Variants in PPP1R3A observed in about 807,000 individuals in gnomAD.
PPP1R3A encodes the protein RG1.
PPP1R3A carries 29 observed loss-of-function variants against 41.7 expected under a neutral mutation model. That is an observed-to-expected ratio of 0.70 (90% CI 0.52 to 0.95). The LOEUF is 0.95. Among genes scored for constraint, PPP1R3A ranks in the 40% least tolerant of loss-of-function variants. The pLI, the probability that PPP1R3A is intolerant of heterozygous loss-of-function variation, is 0.00. For synonymous variants in PPP1R3A, 485 were observed against 453.4 expected, an observed-to-expected ratio of 1.07 and a Z score of -0.89; for missense variants, 1,352 against 1,292.4, an observed-to-expected ratio of 1.05 and a Z score of -0.71.
intron 1 of PPP1R3A, among the ~76,000 whole-genome samples, chr7:113,895,544 G>A (rs1447524165): frequency 2.6e-5 from 4 of 151,926 alleles, no homozygotes; most frequent in Non-Finnish European, 5.9e-5. Flanking sequence ...TTTACTCTAT[G>A]TTTTTGTTTG....
intron 1 of PPP1R3A, among the ~76,000 whole-genome samples, chr7:113,909,323 G>C (rs1397906503): frequency 2.6e-5 from 4 of 151,818 alleles, no homozygotes; most frequent in Non-Finnish European, 2.9e-5. Context: ...TATCTTTTTA[G>C]GTAAGATAGA....
chr7:113,904,451 A>G (rs1408080547), intron 1 of PPP1R3A, among the ~76,000 whole-genome samples: 8 of 151,790 alleles, frequency 5.3e-5, no homozygotes, highest in Non-Finnish European at 1.2e-4. Context: ...ATGTAATAGC[A>G]AATTCTAAAT....
Position 113,876,864 on chromosome 7 carries a change from A to G in PPP1R3A, c.*859T>C, listed in dbSNP as rs1796575215. 1 of 152,066 alleles carries G rather than the reference A, an allele frequency of 6.6e-6. No homozygotes were observed. The highest frequency in any genetic ancestry group is 2.4e-5 in the African/African-American group (1 of 41,442). The allele number at this position is 152,066 out of a possible 1,614,324, so 9.4% of individuals were successfully genotyped here. The stretch of plus-strand genomic sequence containing the variant: ...CCATTTGGAATTTTTATTGTCATTT[A>G]ATGCCTTATGCTTTATAGGTACAAA... On this transcript the variant is annotated 3_prime_UTR_variant, in exon 4 of 4. Coordinates refer to ENST00000284601, the MANE Select transcript of PPP1R3A (RefSeq NM_002711.4).
chr7:113,902,641 T>C (rs1797085383), intron 1 of PPP1R3A, among the ~76,000 whole-genome samples: 1 of 151,856 alleles, frequency 6.6e-6, no homozygotes, highest in African/African-American at 2.4e-5. Flanking sequence ...TCCTTCAGCA[T>C]AGAACAGAGT....
chr7:113,910,174 C>T (rs1332643079), intron 1 of PPP1R3A, among the ~76,000 whole-genome samples: 1 of 152,014 alleles, frequency 6.6e-6, no homozygotes, highest in Non-Finnish European at 1.5e-5. Context: ...TCAATTATCT[C>T]CACCTGGCCC....
chr7:113,881,682 C>T (rs996855561), intron 3 of PPP1R3A, among the ~76,000 whole-genome samples: 1 of 152,036 alleles, frequency 6.6e-6, no homozygotes, highest in Admixed American at 6.6e-5. Flanking sequence ...TAACAATCCT[C>T]TAGTCCAGCC....
intron 3 of PPP1R3A, among the ~76,000 whole-genome samples, chr7:113,880,801 A>G (rs936746477): frequency 2.0e-5 from 3 of 151,832 alleles, no homozygotes; most frequent in Non-Finnish European, 4.4e-5. Flanking sequence ...TTCTCACATA[A>G]GGCTCATGTT....
intron 1 of PPP1R3A, among the ~76,000 whole-genome samples, chr7:113,909,116 G>C (rs1348773856): frequency 6.6e-6 from 1 of 151,642 alleles, no homozygotes; most frequent in African/African-American, 2.4e-5. Context: ...CCTGCACATG[G>C]ACCCCTTGAA....
chr7:113,912,170 C>T (rs1477925852), intron 1 of PPP1R3A, among the ~76,000 whole-genome samples: 1 of 151,964 alleles, frequency 6.6e-6, no homozygotes, highest in Non-Finnish European at 1.5e-5. Context: ...TACTTCAGAC[C>T]CCATGAGTCT....
intron 1 of PPP1R3A, among the ~76,000 whole-genome samples, chr7:113,912,584 G>A (rs1285471552): frequency 6.6e-6 from 1 of 152,072 alleles, no homozygotes; most frequent in Non-Finnish European, 1.5e-5. Flanking sequence ...ATTATTTCCT[G>A]TTGAGGGGTA....
chr7:113,915,750 T>C (rs1169809455), intron 1 of PPP1R3A, among the ~76,000 whole-genome samples: 1 of 151,614 alleles, frequency 6.6e-6, no homozygotes, highest in Non-Finnish European at 1.5e-5. Flanking sequence ...AGAGAAGAGA[T>C]TTTAGTAGCT....
intron 1 of PPP1R3A, among the ~76,000 whole-genome samples, chr7:113,886,771 T>C (rs1479617120): frequency 6.6e-6 from 1 of 152,136 alleles, no homozygotes; most frequent in African/African-American, 2.4e-5. Flanking sequence ...TATGACCAAT[T>C]AGATCTAAAG....
chr7:113,891,304 ATTG>A (rs1796884752), intron 1 of PPP1R3A, among the ~76,000 whole-genome samples: 1 of 151,998 alleles, frequency 6.6e-6, no homozygotes, highest in African/African-American at 2.4e-5. Flanking sequence ...ATAAATTATT[ATTG>A]TTATTAGGAA....
Position 113,882,026 on chromosome 7 carries a change from C to G in PPP1R3A, c.966+13G>C. On this transcript the variant is annotated intron_variant, in intron 3 of 3. Transcript: ENST00000284601. ...TTCATCTTCTCTAATACCGTGGCAA[C>G]CAGAACACTTACCATCAACTCTAAT... 1 of 1,611,830 alleles carries G rather than the reference C, an allele frequency of 6.2e-7. No individual in the cohort carries two copies.
intron 1 of PPP1R3A, among the ~76,000 whole-genome samples, chr7:113,897,913 T>C (rs984051581): frequency 6.6e-6 from 1 of 151,736 alleles, no homozygotes; most frequent in African/African-American, 2.4e-5. Context: ...CACACTGGGA[T>C]TGCTAAAGGA....
chr7:113,898,902 G>A (rs974840662), intron 1 of PPP1R3A, among the ~76,000 whole-genome samples: 5 of 151,762 alleles, frequency 3.3e-5, no homozygotes, highest in Admixed American at 1.3e-4. Flanking sequence ...AGATGTATAT[G>A]TATGTCCTAC....
chr7:113,892,783 T>C (rs1796915134), intron 1 of PPP1R3A, among the ~76,000 whole-genome samples: 1 of 152,066 alleles, frequency 6.6e-6, no homozygotes, highest in African/African-American at 2.4e-5. Context: ...TTAACAGGCA[T>C]TGAAAGAAGC....
chr7:113,879,631 T>A lies in PPP1R3A; in HGVS notation c.1461A>T (p.Arg487Ser), dbSNP rs139605314. The change falls in exon 4 of 4, where the codon AGA becomes AGT. Residue 487 changes from arginine (R) to serine (S), a missense_variant. Arg to Ser is a moderately radical substitution (Grantham distance 110). Coordinates refer to ENST00000284601, the MANE Select transcript of PPP1R3A (RefSeq NM_002711.4). ...IEVKDLGCLRRDFHSDTSACL... is the reference protein window; with the variant it reads ...IEVKDLGCLRSDFHSDTSACL... ...ATGCCGACGTATCTGAATGGAAATC[T>A]CTTCGTAAACATCCCAAATCTTTTA... The A allele has an allele frequency of 1.6e-4, 256 of 1,613,296 alleles. 2 individuals carry two copies. In the Middle Eastern group the frequency reaches 2.3e-3, roughly 15 times the overall value.
At chr7:113,886,275 C>A (rs890928036) in intron 1 of PPP1R3A, among the ~76,000 whole-genome samples, 2 of 151,958 alleles carry the variant, frequency 1.3e-5, no homozygotes, top group African/African-American at 4.8e-5. Flanking sequence ...TGGGAAGAAC[C>A]CAGAGGGAGG....
Sources: gnomAD v4.1 joint callset for allele counts (sites outside exome capture counted in the v4.1 genomes callset) on GRCh38, gnomAD v4.1.1 for gene constraint, MANE v1.5 for transcripts, NCBI Gene and HGNC (gene_info 2026-07-23, HGNC 2026-07-21) for gene names.